The following ACTR3C variants were observed in gnomAD, a reference collection of about 807,000 sequenced individuals.
The protein encoded by ACTR3C is actin-related protein 3C.
ACTR3C carries 18 observed loss-of-function variants against 26.3 expected under a neutral mutation model. The ratio of observed to expected loss-of-function variants is 0.68; its 90% confidence interval spans 0.47 to 1.01. The LOEUF (loss-of-function observed/expected upper bound fraction) is 1.01, where lower values mean the gene tolerates loss of function less well. Among genes scored for constraint, ACTR3C ranks in the 50% least tolerant of loss-of-function variants. The pLI is 0.00. For synonymous variants in ACTR3C, 55 were observed against 94.5 expected, an observed-to-expected ratio of 0.58 and a Z score of 2.42; for missense variants, 184 against 250.7, an observed-to-expected ratio of 0.73 and a Z score of 1.80.
the ACTR3C span, among the ~76,000 whole-genome samples, chr7:150,044,123 CTG>C: frequency 6.6e-6 from 1 of 152,074 alleles, no homozygotes. Context: ...CAGGAACACA[CTG>C]TATAACCTTA....
the ACTR3C span, among the ~76,000 whole-genome samples, chr7:149,911,669 G>GAA: frequency 0.12 from 16,611 of 139,970 alleles, 1,057 homozygotes; most frequent in East Asian, 0.24. Flanking sequence ...ATGGGTTTCA[G>GAA]AAAAAAAAAA....
chr7:149,959,868 A>G, the ACTR3C span, among the ~76,000 whole-genome samples: 9 of 152,190 alleles, frequency 5.9e-5, no homozygotes, highest in Middle Eastern at 3.2e-3. Context: ...TTGAGCGGAC[A>G]TACACTGTGG....
chr7:149,891,032 T>G, the ACTR3C span: 22 of 951,048 alleles, frequency 2.3e-5, no homozygotes, highest in Non-Finnish European at 2.0e-5. Flanking sequence ...CTTTTTGTTC[T>G]GAACGTTTTT....
At chr7:149,951,040 T>C in the ACTR3C span, among the ~76,000 whole-genome samples, 1 of 27,180 alleles carries the variant, frequency 3.7e-5, no homozygotes. Flanking sequence ...GCCCTCTGTA[T>C]ATGCGGGACT....
chr7:150,196,235 AAT>A, the ACTR3C span, among the ~76,000 whole-genome samples: 1 of 152,196 alleles, frequency 6.6e-6, no homozygotes, highest in African/African-American at 2.4e-5. Context: ...TTGGGGTTTC[AAT>A]AATGCCTATG....
the ACTR3C span, among the ~76,000 whole-genome samples, chr7:150,181,943 C>T: frequency 1.3e-5 from 2 of 150,542 alleles, no homozygotes; most frequent in Admixed American, 1.3e-4. Context: ...GCCCTGCACT[C>T]ATGGAGCTTA....
At chr7:150,101,274 G>C in the ACTR3C span, among the ~76,000 whole-genome samples, 143 of 151,770 alleles carry the variant, frequency 9.4e-4, 3 homozygotes, top group Admixed American at 2.0e-3. Flanking sequence ...CCATTGTGGA[G>C]AAATAAGATA....
At chr7:149,928,511 G>A in the ACTR3C span, among the ~76,000 whole-genome samples, 4 of 150,920 alleles carry the variant, frequency 2.7e-5, no homozygotes, top group African/African-American at 9.7e-5. Context: ...GAGCCACTGC[G>A]CCTGGCCAGA....
chr7:150,037,083 G>T, the ACTR3C span, among the ~76,000 whole-genome samples: 2 of 24,618 alleles, frequency 8.1e-5, no homozygotes, highest in Admixed American at 4.0e-4. Flanking sequence ...CCTCCCCCTC[G>T]TGCGATGGGG....
chr7:149,965,078 G>A, the ACTR3C span, among the ~76,000 whole-genome samples: 3 of 151,676 alleles, frequency 2.0e-5, no homozygotes, highest in Admixed American at 1.3e-4. Flanking sequence ...TTTTCAGAGA[G>A]TACACAATTT....
chr7:150,249,777 C>T (rs1027097965), intron 6 of ACTR3C, among the ~76,000 whole-genome samples: 1 of 152,020 alleles, frequency 6.6e-6, no homozygotes, highest in Non-Finnish European at 1.5e-5. Flanking sequence ...TTTTTAAAAG[C>T]GATATTTGAT....
At chr7:150,152,698 T>A in the ACTR3C span, among the ~76,000 whole-genome samples, 109,863 of 152,032 alleles carry the variant, frequency 0.72, 41,278 homozygotes, top group East Asian at 0.98. Flanking sequence ...TGATTGGAAT[T>A]GTTTCAGAAG....
the ACTR3C span, among the ~76,000 whole-genome samples, chr7:150,078,849 A>C: frequency 6.6e-6 from 1 of 152,234 alleles, no homozygotes; most frequent in Admixed American, 6.5e-5. Context: ...GGAGGCTTAG[A>C]GTCCAGGAGC....
the ACTR3C span, among the ~76,000 whole-genome samples, chr7:149,907,465 TGC>T: frequency 6.6e-3 from 567 of 85,688 alleles, 5 homozygotes; most frequent in Middle Eastern, 0.029. Context: ...GGGCCTCTCT[TGC>T]CTCTCTTCTC....
the ACTR3C span, among the ~76,000 whole-genome samples, chr7:149,885,158 T>C: frequency 0.029 from 4,490 of 152,230 alleles, 210 homozygotes; most frequent in African/African-American, 0.094. Flanking sequence ...TCCAGCCATT[T>C]TGAAATGTTC....
At chr7:150,168,273 C>T in the ACTR3C span, among the ~76,000 whole-genome samples, 5 of 150,792 alleles carry the variant, frequency 3.3e-5, no homozygotes, top group African/African-American at 1.2e-4. Flanking sequence ...GCTCTGCCTC[C>T]TGTCAGATCA....
chr7:150,198,767 C>T, the ACTR3C span, among the ~76,000 whole-genome samples: 6 of 146,374 alleles, frequency 4.1e-5, no homozygotes, highest in Middle Eastern at 3.7e-3. Context: ...GGGGGTCAGC[C>T]CCCCGCCTGG....
chr7:149,910,409 G>C, the ACTR3C span, among the ~76,000 whole-genome samples: 1 of 151,800 alleles, frequency 6.6e-6, no homozygotes, highest in African/African-American at 2.4e-5. Context: ...TAAAACAAAT[G>C]CCAAAATACT....
the ACTR3C span, among the ~76,000 whole-genome samples, chr7:149,983,449 G>GTGTGTATGTATATATATATATATATA: frequency 4.3e-5 from 1 of 23,324 alleles, no homozygotes; most frequent in Non-Finnish European, 8.0e-5. Flanking sequence ...GTGTGTGTGT[G>GTGTGTATGTATATATATATATATATA]TATATATATA....
Sources: gnomAD v4.1 joint callset for allele counts (sites outside exome capture counted in the v4.1 genomes callset) on GRCh38, gnomAD v4.1.1 for gene constraint, MANE v1.5 for transcripts, NCBI Gene and HGNC (gene_info 2026-07-23, HGNC 2026-07-21) for gene names.